Variants in TRHDE observed in about 807,000 individuals in gnomAD.
The protein encoded by TRHDE is thyrotropin-releasing hormone-degrading ectoenzyme.
A neutral mutation model predicts 125.7 loss-of-function variants in TRHDE; 72 were observed. That is an observed-to-expected ratio of 0.57 (90% CI 0.47 to 0.70). The LOEUF (loss-of-function observed/expected upper bound fraction) is 0.70. TRHDE is among the 30% of genes least tolerant of loss of function. TRHDE has a pLI of 0.00. For synonymous variants in TRHDE, 509 were observed against 509.1 expected, an observed-to-expected ratio of 1.00 and a Z score of 0.00; for missense variants, 1,110 against 1,327.1, an observed-to-expected ratio of 0.84 and a Z score of 2.54.
intron 17 of TRHDE, among the ~76,000 whole-genome samples, chr12:72,653,610 G>C (rs543834050): frequency 6.6e-6 from 1 of 151,782 alleles, no homozygotes; most frequent in South Asian, 2.1e-4. Context: ...TATAGAGAAG[G>C]AATATTAATC....
At chr12:72,351,001 G>A (rs948179574) in intron 2 of TRHDE, among the ~76,000 whole-genome samples, 4 of 151,990 alleles carry the variant, frequency 2.6e-5, no homozygotes, top group African/African-American at 9.7e-5. Context: ...AGGAAAAATT[G>A]TAGCAAAAAT....
intron 15 of TRHDE, among the ~76,000 whole-genome samples, chr12:72,627,256 A>G (rs1194752445): frequency 3.3e-5 from 5 of 151,892 alleles, no homozygotes; most frequent in Non-Finnish European, 5.9e-5. Context: ...AAAGTTCAAA[A>G]TTTCACACTC....
Position 72,273,086 on chromosome 12 carries a change from G to T in TRHDE, c.443G>T (p.Gly148Val). Residue 148 changes from glycine (G) to valine (V), a missense_variant, in exon 1 of 19, where the codon GGC (glycine) becomes GTC (valine). Physicochemically the swap from Gly to Val is moderately radical, Grantham distance 109. Transcript: ENST00000261180. This position sits in a 1 kb window ranked among gnomAD's most constrained non-coding sequence, Gnocchi z 5.3. ...TCGGCCCGGCGCAACCACCACGCAG[G>T]CGGGGACTCCTGGCAGCCCGAGGCG... is the stretch of plus-strand genomic sequence containing the variant. ...PGSARRNHHA[G>V]GDSWQPEAGG... 1 of 1,524,996 alleles carries T rather than the reference G, an allele frequency of 6.6e-7. No homozygotes were observed. The highest frequency in any genetic ancestry group is 8.8e-7 in the Non-Finnish European group (1 of 1,138,452). The allele number at this position is 1,524,996 out of a possible 1,614,324, so 94.5% of individuals were successfully genotyped here. A position where few individuals can be genotyped will look rare whatever the true frequency, so the allele number is the denominator to read the frequency against.
intron 5 of TRHDE, among the ~76,000 whole-genome samples, chr12:72,476,568 T>C (rs1472073604): frequency 6.6e-6 from 1 of 152,208 alleles, no homozygotes; most frequent in Non-Finnish European, 1.5e-5. Context: ...TAAGGTTCAC[T>C]ACACCTGAGC....
intron 1 of TRHDE, among the ~76,000 whole-genome samples, chr12:72,284,069 T>C (rs1220257944): frequency 6.6e-6 from 1 of 152,110 alleles, no homozygotes; most frequent in Non-Finnish European, 1.5e-5. Context: ...CCCAAAACTT[T>C]TTGAGTACTA....
intron 6 of TRHDE, among the ~76,000 whole-genome samples, chr12:72,536,140 C>T (rs1188598673): frequency 6.6e-6 from 1 of 152,046 alleles, no homozygotes; most frequent in Non-Finnish European, 1.5e-5. Flanking sequence ...CCAAAGATTT[C>T]CTGAAAGGAC....
At chr12:72,432,801 C>G (rs186232342) in intron 3 of TRHDE, among the ~76,000 whole-genome samples, 42 of 152,190 alleles carry the variant, frequency 2.8e-4, no homozygotes, top group African/African-American at 8.9e-4. Flanking sequence ...AATACAGATG[C>G]CTTTCATTTT....
intron 2 of TRHDE, chr12:72,255,849 TCATC>T (rs1878802183): frequency 6.6e-6 from 1 of 152,154 alleles, no homozygotes; most frequent in Non-Finnish European, 1.5e-5. Flanking sequence ...AATGTCAACT[TCATC>T]CATCTAGCTG....
Position 72,273,788 on chromosome 12 carries a change from G to A in TRHDE, c.914+231G>A. On this transcript the variant is annotated intron_variant, in intron 1 of 18. Transcript: ENST00000261180. This position sits in a 1 kb window ranked among gnomAD's most constrained non-coding sequence, Gnocchi z 5.3. ...GACTCACCGGTGCCAAAAGATGAATGCTGCCCCCTCCTCTAGTCGGGACCT... is the reference window on the plus strand; with the variant it reads ...GACTCACCGGTGCCAAAAGATGAATACTGCCCCCTCCTCTAGTCGGGACCT... 1.9e-6 allele frequency: 1 copy of A among 532,348 alleles called. No homozygotes were observed. Among genetic ancestry groups the A allele is most frequent in the Non-Finnish European group, 3.4e-6 (1 of 297,942 alleles). 33.0% of individuals were successfully genotyped at this position (532,348 alleles called of 1,614,324 possible).
intron 10 of TRHDE, among the ~76,000 whole-genome samples, chr12:72,569,218 T>C (rs1274621276): frequency 6.6e-6 from 1 of 152,210 alleles, no homozygotes; most frequent in African/African-American, 2.4e-5. Flanking sequence ...AATAAGATAG[T>C]GACCTATTTC....
In TRHDE at chr12:72,481,939, T is replaced by C. The variant is rs565871876; in HGVS notation, c.1584+8759T>C. Among the ~76,000 whole-genome samples the C allele has an allele frequency of 3.3e-5, 5 of 152,182 alleles. No homozygotes were observed. The South Asian group carries it at 1.0e-3, about 31-fold the overall frequency. On this transcript the variant is annotated intron_variant, in intron 5 of 18. Coordinates refer to ENST00000261180, the MANE Select transcript of TRHDE (RefSeq NM_013381.3). Reference sequence around the variant, plus strand: ...ATTCCCTTAATCATTTTAGTTTTTCTTCTTCAGATTTTATTTATAGTTCAG... The same window carrying C: ...ATTCCCTTAATCATTTTAGTTTTTCCTCTTCAGATTTTATTTATAGTTCAG...
chr12:72,196,950 C>G (rs1313342866), intron 2 of TRHDE, among the ~76,000 whole-genome samples: 2 of 152,074 alleles, frequency 1.3e-5, no homozygotes, highest in African/African-American at 4.8e-5. Flanking sequence ...TCCATTCTCC[C>G]TGAGCCCACT....
chr12:72,622,486 C>T (rs1006461350), intron 15 of TRHDE, among the ~76,000 whole-genome samples: 1 of 151,932 alleles, frequency 6.6e-6, no homozygotes, highest in Non-Finnish European at 1.5e-5. Flanking sequence ...CAACTGATAT[C>T]CCTTCCTCTC....
intron 2 of TRHDE, among the ~76,000 whole-genome samples, chr12:72,344,552 T>C (rs1431140903): frequency 6.6e-6 from 1 of 152,134 alleles, no homozygotes; most frequent in Non-Finnish European, 1.5e-5. Flanking sequence ...CCGTGTGCCA[T>C]GTCCTGGTTT....
chr12:72,597,387 G>A (rs1178302627), intron 12 of TRHDE, among the ~76,000 whole-genome samples: 1 of 151,914 alleles, frequency 6.6e-6, no homozygotes, highest in Non-Finnish European at 1.5e-5. Context: ...TAAGAGAGGG[G>A]CCAGGCATGG....
At chr12:72,249,193 A>C (rs1565672521) in intron 2 of TRHDE, among the ~76,000 whole-genome samples, 1 of 152,184 alleles carries the variant, frequency 6.6e-6, no homozygotes, top group Non-Finnish European at 1.5e-5. Context: ...AAAAATGATA[A>C]ATTGGATCTT....
intron 1 of TRHDE, among the ~76,000 whole-genome samples, chr12:72,101,886 CTT>C (rs751065914): frequency 7.9e-5 from 12 of 152,182 alleles, no homozygotes; most frequent in Non-Finnish European, 1.3e-4. Flanking sequence ...TAATTTTTCA[CTT>C]TGAATTAGAG....
intron 2 of TRHDE, among the ~76,000 whole-genome samples, chr12:72,233,241 G>C (rs1428855457): frequency 3.3e-5 from 5 of 152,146 alleles, no homozygotes; most frequent in Non-Finnish European, 5.9e-5. Context: ...AGCTCCAGGA[G>C]AAAACGCTCT....
chr12:72,617,460 A>G (rs1302874515), intron 12 of TRHDE, among the ~76,000 whole-genome samples: 1 of 152,178 alleles, frequency 6.6e-6, no homozygotes, highest in Non-Finnish European at 1.5e-5. Context: ...CGAAGATGAA[A>G]AAGTCTCCGT....
Sources: allele counts gnomAD v4.1 joint callset (sites outside exome capture counted in the v4.1 genomes callset), GRCh38; gene constraint gnomAD v4.1.1; non-coding constraint Gnocchi (gnomAD v3.1); transcripts MANE v1.5; gene names NCBI Gene and HGNC (gene_info 2026-07-23, HGNC 2026-07-21).